PCDHGC4: variants seen among roughly 807,000 people sequenced by gnomAD.
PCDHGC4 encodes protocadherin gamma subfamily C, 4, also known as protocadherin gamma-C4.
PCDHGC4 carries 15 observed loss-of-function variants against 59.7 expected under a neutral mutation model. That is an observed-to-expected ratio of 0.25 (90% CI 0.17 to 0.39). The LOEUF (loss-of-function observed/expected upper bound fraction) is 0.39. Among genes scored for constraint, PCDHGC4 ranks in the 10% least tolerant of loss-of-function variants. The pLI, the probability that PCDHGC4 is intolerant of heterozygous loss-of-function variation, is 1.00. For missense variants in PCDHGC4, 1,016 were observed against 1,189.5 expected, an observed-to-expected ratio of 0.85 and a Z score of 2.15; for synonymous variants, 434 against 481.4, an observed-to-expected ratio of 0.90 and a Z score of 1.29.
intron 3 of PCDHGC4, among the ~76,000 whole-genome samples, chr5:141,510,375 G>A (rs980966602): frequency 3.4e-5 from 5 of 148,132 alleles, no homozygotes; most frequent in East Asian, 2.0e-4. Context: ...ATCTCTACTC[G>A]TGCCAGGCCT....
intron 3 of PCDHGC4, chr5:141,507,010 G>A (rs371780810): frequency 1.3e-5 from 2 of 152,324 alleles, no homozygotes; most frequent in East Asian, 1.9e-4. Flanking sequence ...TGAGAGAACC[G>A]AGAAGGCACT....
chr5:141,489,069 C>G lies in PCDHGC4; in HGVS notation c.2442+1454C>G. ...TCAAATTCAGCTCCCCTCCCCCCTGCCCACCCCCGCCACTCGGTGACTAAG... is the reference window on the plus strand; with the variant it reads ...TCAAATTCAGCTCCCCTCCCCCCTGGCCACCCCCGCCACTCGGTGACTAAG... On this transcript the variant is annotated intron_variant, in intron 1 of 3. Coordinates refer to ENST00000306593, the MANE Select transcript of PCDHGC4 (RefSeq NM_018928.3). The surrounding 1 kb of genome is among the most constrained non-coding windows in gnomAD (Gnocchi z 4.5). 6.4e-5 allele frequency: 18 copies of G among 281,056 alleles called. No homozygotes were observed. Among genetic ancestry groups the G allele is most frequent in the Middle Eastern group, 1.1e-3 (1 of 944 alleles). 17.4% of individuals were successfully genotyped at this position (281,056 alleles called of 1,614,324 possible).
At position 141,499,027 on chromosome 5, in the gene PCDHGC4, A is replaced by AG. The variant is rs1323149397; in HGVS notation, c.2501+4163dup. 7.4e-3 allele frequency among the ~76,000 whole-genome samples: 1,116 copies of AG among 149,928 alleles called. 12 individuals are homozygous for AG. Among genetic ancestry groups the AG allele is most frequent in the African/African-American group, 0.026 (1,074 of 40,604 alleles). On this transcript the variant is annotated intron_variant, in intron 2 of 3. Transcript: ENST00000306593. ...AAGGAAGGAAGGAAGGAAGGAAGGA[A>AG]GAAAAGAAAGAAAAAGGGAGAAAAA...
chr5:141,503,222 G>T (rs540244346), intron 2 of PCDHGC4, among the ~76,000 whole-genome samples: 1 of 152,120 alleles, frequency 6.6e-6, no homozygotes, highest in East Asian at 1.9e-4. Context: ...CATGAGCACC[G>T]TAAAGATGGA....
At position 141,489,748 on chromosome 5, in the gene PCDHGC4, T is replaced by C. The variant is rs763688648; in HGVS notation, c.2442+2133T>C. On this transcript the variant is annotated intron_variant, in intron 1 of 3. Transcript: ENST00000306593. The surrounding 1 kb of genome is among the most constrained non-coding windows in gnomAD (Gnocchi z 4.5). ...TGTGGGCACCAATACTGTGAGCTTT[T>C]ACACTCTAAGCCCCAACAGCCACTT... is the stretch of plus-strand genomic sequence containing the variant. The C allele has an allele frequency of 1.8e-5, 29 of 1,614,038 alleles. No homozygotes were observed. Among genetic ancestry groups the C allele is most frequent in the Non-Finnish European group, 1.6e-5 (19 of 1,180,010 alleles).
Position 141,485,166 on chromosome 5 carries a change from C to T in PCDHGC4, c.-8C>T, listed in dbSNP as rs1180453938. 2 of 1,606,374 alleles carry T rather than the reference C, an allele frequency of 1.2e-6. No individual in the cohort carries two copies. Among genetic ancestry groups the T allele is most frequent in the Non-Finnish European group, 8.5e-7 (1 of 1,174,214 alleles). ...CAGGAGCAAGTAGAGAATTAGCGGG[C>T]GGCAGCAATGCTCCGCAAGGTGAGA... On this transcript the variant is annotated 5_prime_UTR_variant, in exon 1 of 4. Transcript: ENST00000306593. The surrounding 1 kb of genome is among the most constrained non-coding windows in gnomAD (Gnocchi z 5.7).
Position 141,487,687 on chromosome 5 carries a change from A to G in PCDHGC4, c.2442+72A>G, listed in dbSNP as rs750431854. ...CAGGCATATGGCTAGGCCATGTCCTAGAGAGTACTGGCCTCTCAGTAAGTG... is the reference window on the plus strand; with the variant it reads ...CAGGCATATGGCTAGGCCATGTCCTGGAGAGTACTGGCCTCTCAGTAAGTG... On this transcript the variant is annotated intron_variant, in intron 1 of 3. Transcript: ENST00000306593. This position sits in a 1 kb window ranked among gnomAD's most constrained non-coding sequence, Gnocchi z 5.0. The G allele has an allele frequency of 1.9e-6, 3 of 1,606,256 alleles. No individual in the cohort carries two copies. The highest frequency in any genetic ancestry group is 3.4e-5 in the Admixed American group (2 of 58,832).
At chr5:141,500,729 C>T (rs1434863449) in intron 2 of PCDHGC4, among the ~76,000 whole-genome samples, 2 of 152,130 alleles carry the variant, frequency 1.3e-5, no homozygotes, top group Non-Finnish European at 2.9e-5. Flanking sequence ...CCATGTCTTT[C>T]AAAATTCTTC....
intron 3 of PCDHGC4, among the ~76,000 whole-genome samples, chr5:141,506,682 C>A (rs1333272766): frequency 6.6e-6 from 1 of 152,192 alleles, no homozygotes; most frequent in East Asian, 1.9e-4. Context: ...ATATTATTAT[C>A]TTTGCTGACC....
rs2099697598 is a variant in PCDHGC4 at position 141,490,236 on chromosome 5, C to T, written c.2442+2621C>T. On this transcript the variant is annotated intron_variant, in intron 1 of 3. Coordinates refer to ENST00000306593, the MANE Select transcript of PCDHGC4 (RefSeq NM_018928.3). This position sits in a 1 kb window ranked among gnomAD's most constrained non-coding sequence, Gnocchi z 5.4. ...ACCAGGGACAGCCTGCCATGGAGGG[C>T]CACTGTGTGATTCAAGTGGATGTGG... is the stretch of plus-strand genomic sequence containing the variant. 1 of 1,614,078 alleles carries T rather than the reference C, an allele frequency of 6.2e-7. No homozygotes were observed. The highest frequency in any genetic ancestry group is 1.1e-5 in the South Asian group (1 of 91,088).
rs779792543 is a variant in PCDHGC4 at position 141,486,994 on chromosome 5, C to T, written c.1821C>T (p.Ser607=). ...ATTCAGGTTACAATGCTTGGGTTTCCTATCAGCTCCTGGAGGCCCCAGATC... is the reference window on the plus strand; with the variant it reads ...ATTCAGGTTACAATGCTTGGGTTTCTTATCAGCTCCTGGAGGCCCCAGATC... ...DLDSGYNAWV[S]YQLLEAPDPS... Residue 607 remains serine (S), a synonymous_variant, in exon 1 of 4, where the codon TCC becomes TCT. Coordinates refer to ENST00000306593, the MANE Select transcript of PCDHGC4 (RefSeq NM_018928.3). This position sits in a 1 kb window ranked among gnomAD's most constrained non-coding sequence, Gnocchi z 5.0. The T allele has an allele frequency of 6.2e-7, 1 of 1,614,214 alleles. No individual in the cohort carries two copies. The highest frequency in any genetic ancestry group is 8.5e-7 in the Non-Finnish European group (1 of 1,180,034).
intron 1 of PCDHGC4, among the ~76,000 whole-genome samples, chr5:141,492,922 T>C (rs1191111432): frequency 1.3e-5 from 2 of 152,194 alleles, no homozygotes; most frequent in Non-Finnish European, 2.9e-5. Context: ...TGCCCAGCGA[T>C]CTAGGGTCAG....
chr5:141,487,670 T>A lies in PCDHGC4; in HGVS notation c.2442+55T>A. The A allele has an allele frequency of 6.2e-7, 1 of 1,612,302 alleles. No homozygotes were observed. Among genetic ancestry groups the A allele is most frequent in the Non-Finnish European group, 8.5e-7 (1 of 1,179,082 alleles). ...TGAGGGTTATTCTGATCCAGGCATA[T>A]GGCTAGGCCATGTCCTAGAGAGTAC... On this transcript the variant is annotated intron_variant, in intron 1 of 3. Transcript: ENST00000306593. This position sits in a 1 kb window ranked among gnomAD's most constrained non-coding sequence, Gnocchi z 5.0.
intron 2 of PCDHGC4, among the ~76,000 whole-genome samples, chr5:141,497,859 G>A (rs188372194): frequency 2.0e-4 from 31 of 152,134 alleles, no homozygotes; most frequent in Middle Eastern, 6.8e-3. Context: ...TTGATTCAGC[G>A]GCTCCAAAGT....
In PCDHGC4 at chr5:141,505,470, C is replaced by G; in HGVS notation, c.2579C>G (p.Ala860Gly). 6.2e-7 allele frequency: 1 copy of G among 1,614,186 alleles called. No individual in the cohort carries two copies. Among genetic ancestry groups the G allele is most frequent in the Non-Finnish European group, 8.5e-7 (1 of 1,180,002 alleles). Residue 860 changes from alanine to glycine, a missense_variant, in exon 3 of 4, where the codon GCG (alanine) becomes GGG (glycine). Ala to Gly is a moderately conservative substitution (Grantham distance 60). Transcript: ENST00000306593. ...GAGATGCTGCAAGCCATGATCTTGG[C>G]GTCCGCCAGTGGTAAGTGGTGTCAG... The part of the protein sequence containing the change: ...DTEMLQAMIL[A>G]SASEAADGSS...
rs778246278 is a variant in PCDHGC4 at position 141,491,522 on chromosome 5, A to C, written c.2443-3285A>C. The C allele has an allele frequency of 6.2e-6, 10 of 1,614,024 alleles. No individual in the cohort carries two copies. The highest frequency in any genetic ancestry group is 8.5e-6 in the Non-Finnish European group (10 of 1,180,002). ...TCGGACGGCACGCTCAAGTACATGGAGGTGACGCTGCGGCCCACAGACTCG... is the reference window on the plus strand; with the variant it reads ...TCGGACGGCACGCTCAAGTACATGGCGGTGACGCTGCGGCCCACAGACTCG... On this transcript the variant is annotated intron_variant, in intron 1 of 3. Coordinates refer to ENST00000306593, the MANE Select transcript of PCDHGC4 (RefSeq NM_018928.3). The surrounding 1 kb of genome is among the most constrained non-coding windows in gnomAD (Gnocchi z 6.9).
intron 2 of PCDHGC4, among the ~76,000 whole-genome samples, chr5:141,499,937 C>T (rs1257575594): frequency 6.6e-6 from 1 of 152,082 alleles, no homozygotes; most frequent in Non-Finnish European, 1.5e-5. Context: ...ATCCACCCTC[C>T]TCGGCCTCCC....
intron 2 of PCDHGC4, among the ~76,000 whole-genome samples, chr5:141,496,125 T>C (rs1318749514): frequency 6.8e-6 from 1 of 146,032 alleles, no homozygotes; most frequent in Non-Finnish European, 1.5e-5. Context: ...TCCCTGCCCC[T>C]CACACACTGA....
Position 141,485,064 on chromosome 5 carries a change from G to C in PCDHGC4, c.-110G>C, listed in dbSNP as rs1205637757. On this transcript the variant is annotated 5_prime_UTR_variant, in exon 1 of 4. Transcript: ENST00000306593. The surrounding 1 kb of genome is among the most constrained non-coding windows in gnomAD (Gnocchi z 5.7). ...TTGCGGCGCCGGCCGAACCGCGCCA[G>C]AGCTGGCGCGGGGAAAGGGAGATAG... The C allele has an allele frequency of 4.9e-5, 43 of 882,320 alleles. No individual in the cohort carries two copies. The highest frequency in any genetic ancestry group is 7.4e-5 in the Non-Finnish European group (41 of 557,230). 54.7% of individuals were successfully genotyped at this position (882,320 alleles called of 1,614,324 possible).
Sources: gnomAD v4.1 joint callset for allele counts (sites outside exome capture counted in the v4.1 genomes callset) on GRCh38, gnomAD v4.1.1 for gene constraint, Gnocchi (gnomAD v3.1) non-coding constraint, MANE v1.5 for transcripts, NCBI Gene and HGNC (gene_info 2026-07-23, HGNC 2026-07-21) for gene names.